Variants in CUX1 observed in about 807,000 individuals in gnomAD.
CUX1 encodes protein CASP.
Under a neutral mutation model 158.8 loss-of-function variants are expected in CUX1, and 31 were observed. The ratio of observed to expected loss-of-function variants is 0.20; its 90% confidence interval spans 0.15 to 0.26. The LOEUF (loss-of-function observed/expected upper bound fraction) is 0.26. Ranked by LOEUF, CUX1 falls within the 10% of genes least tolerant of loss-of-function variation. CUX1 has a pLI of 1.00. For synonymous variants in CUX1, 879 were observed against 862.1 expected (o/e 1.02, Z -0.34); for missense variants, 1,589 against 2,014.6 (o/e 0.79, Z 4.04).
intron 8 of CUX1, among the ~76,000 whole-genome samples, chr7:102,132,677 TTTC>T (rs1311697360): frequency 9.2e-6 from 1 of 108,480 alleles, no homozygotes; most frequent in African/African-American, 4.0e-5. Flanking sequence ...TTTCTTTGCT[TTTC>T]TTTTTTTTTT....
chr7:101,821,480 A>G (rs1792495241), intron 1 of CUX1, among the ~76,000 whole-genome samples: 2 of 151,182 alleles, frequency 1.3e-5, no homozygotes, highest in Non-Finnish European at 2.9e-5. Flanking sequence ...CTGGGACTAC[A>G]GGCGCTGGCC....
rs1554459461 is a variant in CUX1 at position 102,030,689 on chromosome 7, G to GTGTTTTTTTTTTTTTTTTGTTGTTTTT, written c.189+2558_189+2559insTTTTGTTGTTTTTTGTTTTTTTTTTTT. 3.8e-4 allele frequency among the ~76,000 whole-genome samples: 31 copies of GTGTTTTTTTTTTTTTTTTGTTGTTTTT among 82,546 alleles called. 1 individual carries two copies. The highest frequency in any genetic ancestry group is 5.7e-4 in the Non-Finnish European group (27 of 47,606). The allele number at this position is 82,546 out of a possible 152,430, so 54.2% of individuals were successfully genotyped here. A position where few individuals can be genotyped will look rare whatever the true frequency, so the allele number is the denominator to read the frequency against. ...TCTATCTAATTTTCTATTTTAAAAA[G>GTGTTTTTTTTTTTTTTTTGTTGTTTTT]TGTTTTTTTTTTTTGAGACAGGGTC... On this transcript the variant is annotated intron_variant, in intron 3 of 23. Coordinates refer to ENST00000292535, the MANE Select transcript of CUX1 (RefSeq NM_181552.4).
intron 8 of CUX1, among the ~76,000 whole-genome samples, chr7:102,115,951 G>A (rs781864633): frequency 6.6e-6 from 1 of 152,192 alleles, no homozygotes; most frequent in Non-Finnish European, 1.5e-5. Context: ...GCAATGCCAG[G>A]CTAGAGTTTG....
chr7:102,005,928 C>G (rs1313474928), intron 2 of CUX1, among the ~76,000 whole-genome samples: 1 of 152,206 alleles, frequency 6.6e-6, no homozygotes, highest in Non-Finnish European at 1.5e-5. Flanking sequence ...ACCAGAGGGT[C>G]TAAAGAGAAA....
intron 3 of CUX1, among the ~76,000 whole-genome samples, chr7:102,043,373 A>T (rs1822357570): frequency 2.0e-5 from 2 of 100,588 alleles, no homozygotes; most frequent in Non-Finnish European, 4.5e-5. Context: ...GTGTGTGTTG[A>T]GAACACTTGA....
Position 101,937,352 on chromosome 7 carries a change from G to T in CUX1, c.141+21127G>T, listed in dbSNP as rs938883916. 4.6e-5 allele frequency among the ~76,000 whole-genome samples: 7 copies of T among 152,278 alleles called. No homozygotes were observed. The South Asian group carries it at 8.3e-4, about 18-fold the overall frequency. ...ATCATAGCACATGACAGAGATAGAG[G>T]CAGAACCTGGTGGCCATAGGATTAT... On this transcript the variant is annotated intron_variant, in intron 2 of 23. Coordinates refer to ENST00000292535, the MANE Select transcript of CUX1 (RefSeq NM_181552.4).
intron 20 of CUX1, among the ~76,000 whole-genome samples, chr7:102,220,468 AG>A (rs1554526536): frequency 6.6e-6 from 1 of 152,256 alleles, no homozygotes; most frequent in Non-Finnish European, 1.5e-5. Context: ...TTTAGAGCAC[AG>A]GGTCAGTTCC....
chr7:101,932,364 G>T, intron 2 of CUX1: 1 of 319,732 alleles, frequency 3.1e-6, no homozygotes, highest in Non-Finnish European at 6.3e-6. Flanking sequence ...AACCCATATC[G>T]CATGCAAGCG....
At chr7:101,876,714 A>G (rs1214871850) in intron 1 of CUX1, among the ~76,000 whole-genome samples, 2 of 152,172 alleles carry the variant, frequency 1.3e-5, no homozygotes, top group Non-Finnish European at 2.9e-5. Flanking sequence ...GAAAAATGAA[A>G]AAGAAAATAT....
chr7:102,016,951 G>A (rs1290235598), intron 2 of CUX1, among the ~76,000 whole-genome samples: 2 of 152,162 alleles, frequency 1.3e-5, no homozygotes, highest in African/African-American at 4.8e-5. Context: ...GGGTGAAATG[G>A]TGCCTTTGGG....
chr7:101,880,306 C>T (rs2131551925), intron 1 of CUX1, among the ~76,000 whole-genome samples: 1 of 152,296 alleles, frequency 6.6e-6, no homozygotes, highest in Admixed American at 6.5e-5. Flanking sequence ...AGTTCACGTT[C>T]TTGAGACTCG....
chr7:102,280,693 G>A (rs1791997401), intron 19 of CUX1: 3 of 1,118,488 alleles, frequency 2.7e-6, no homozygotes, highest in African/African-American at 1.5e-5. Flanking sequence ...CTGGGGGTCT[G>A]CAAGAACAGC....
chr7:102,107,784 G>T (rs562348867), intron 6 of CUX1, among the ~76,000 whole-genome samples: 1 of 152,192 alleles, frequency 6.6e-6, no homozygotes, highest in Non-Finnish European at 1.5e-5. Flanking sequence ...ACTGGCACCT[G>T]CCCATCTCTG....
chr7:102,048,009 T>G (rs1823022319), intron 3 of CUX1, among the ~76,000 whole-genome samples: 1 of 152,092 alleles, frequency 6.6e-6, no homozygotes, highest in Non-Finnish European at 1.5e-5. Context: ...CCAGTCTTTT[T>G]CCAGTTGTGT....
At chr7:102,127,958 C>T (rs1336360002) in intron 8 of CUX1, among the ~76,000 whole-genome samples, 1 of 152,238 alleles carries the variant, frequency 6.6e-6, no homozygotes, top group Non-Finnish European at 1.5e-5. Flanking sequence ...AGCGATTCTT[C>T]TGCCTCGGCC....
chr7:102,247,781 A>G (rs1800975933), intron 23 of CUX1, among the ~76,000 whole-genome samples: 1 of 152,172 alleles, frequency 6.6e-6, no homozygotes, highest in Non-Finnish European at 1.5e-5. Context: ...TGATGGCACC[A>G]CTGCACTCCA....
chr7:102,092,342 C>G (rs1828662772), intron 4 of CUX1, among the ~76,000 whole-genome samples: 1 of 152,122 alleles, frequency 6.6e-6, no homozygotes, highest in Admixed American at 6.5e-5. Context: ...TGGGCGCTGC[C>G]TCTGACTGGG....
chr7:101,859,877 T>C (rs1429357839), intron 1 of CUX1, among the ~76,000 whole-genome samples: 1 of 151,966 alleles, frequency 6.6e-6, no homozygotes, highest in African/African-American at 2.4e-5. Flanking sequence ...TTCTTTTCTT[T>C]CTTCTCTTTC....
At chr7:102,102,019 C>T (rs2130956303) in intron 5 of CUX1, among the ~76,000 whole-genome samples, 1 of 152,236 alleles carries the variant, frequency 6.6e-6, no homozygotes, top group Non-Finnish European at 1.5e-5. Flanking sequence ...GTCTGGAGTC[C>T]ATTCTGGAAG....
Sources: allele counts gnomAD v4.1 joint callset (sites outside exome capture counted in the v4.1 genomes callset), GRCh38; gene constraint gnomAD v4.1.1; transcripts MANE v1.5; gene names NCBI Gene and HGNC (gene_info 2026-07-23, HGNC 2026-07-21).